DNAI2: variants seen among roughly 807,000 people sequenced by gnomAD.
DNAI2 encodes dynein, axonemal, intermediate polypeptide 2.
A neutral mutation model predicts 74.7 loss-of-function variants in DNAI2; 63 were observed. That is an observed-to-expected ratio of 0.84 (90% confidence interval 0.69 to 1.04). The LOEUF (loss-of-function observed/expected upper bound fraction) is 1.04. Among genes scored for constraint, DNAI2 ranks in the 50% least tolerant of loss-of-function variants. The pLI is 0.00. For synonymous variants in DNAI2, 289 were observed against 314.9 expected (o/e 0.92, Z 0.87); for missense variants, 688 against 803.2 (o/e 0.86, Z 1.73).
chr17:74,282,639 C>T (rs939738881), intron 2 of DNAI2, among the ~76,000 whole-genome samples: 7 of 152,148 alleles, frequency 4.6e-5, no homozygotes, highest in African/African-American at 1.2e-4. Context: ...TTCATATCTA[C>T]AGGCAACTAC....
chr17:74,314,351 C>T, intron 13 of DNAI2, 80 bp downstream of exon 13: 1 of 1,552,502 alleles, frequency 6.4e-7, no homozygotes, highest in Non-Finnish European at 8.8e-7. Context: ...GCATCGGGCC[C>T]TGACTCCCCA....
chr17:74,297,666 GCCA>G (rs944845300), intron 6 of DNAI2, among the ~76,000 whole-genome samples: 24 of 151,420 alleles, frequency 1.6e-4, no homozygotes, highest in African/African-American at 5.6e-4. Flanking sequence ...ACAGGCGTGA[GCCA>G]CCAAGCCCAG....
At chr17:74,298,666 G>C (rs559276153) in intron 6 of DNAI2, among the ~76,000 whole-genome samples, 1 of 152,092 alleles carries the variant, frequency 6.6e-6, no homozygotes, top group Admixed American at 6.6e-5. Context: ...GTAGTGGCAC[G>C]ATCATGGCTC....
At chr17:74,311,448 T>G (rs2053522620) in intron 11 of DNAI2, among the ~76,000 whole-genome samples, 1 of 152,226 alleles carries the variant, frequency 6.6e-6, no homozygotes, top group Admixed American at 6.5e-5. Flanking sequence ...ACCTCGTCTC[T>G]ACTAAAAATA....
rs763473211 is a variant in DNAI2 at position 74,282,012 on chromosome 17, C to T, written c.183+12C>T. The stretch of plus-strand genomic sequence containing the variant: ...TGTCGGAACACGAGGTGGGTCCCTG[C>T]CCCAAGGGCCCTGGCCTGTCAGGTG... On this transcript the variant is annotated intron_variant, in intron 2 of 13. Coordinates refer to ENST00000311014, the MANE Select transcript of DNAI2 (RefSeq NM_023036.6). 1.9e-5 allele frequency: 31 copies of T among 1,613,670 alleles called. 1 individual carries two copies. The South Asian group carries it at 3.1e-4, about 16-fold the overall frequency.
In DNAI2 at chr17:74,296,920, A is replaced by G. The variant is rs192979763; in HGVS notation, c.725-2798A>G. The stretch of plus-strand genomic sequence containing the variant: ...ACCAAGATTCTGCTGTTTTTCTTGA[A>G]TAAACATTCTCCCGACTGCCCTAAG... On this transcript the variant is annotated intron_variant, in intron 6 of 13. Transcript: ENST00000311014. Among the ~76,000 whole-genome samples, 14 of 152,308 alleles carry G rather than the reference A, an allele frequency of 9.2e-5. No homozygotes were observed. The East Asian group carries it at 2.7e-3, about 29-fold the overall frequency.
At position 74,300,239 on chromosome 17, in the gene DNAI2, G is replaced by A. The variant is rs1052610720; in HGVS notation, c.864+382G>A. On this transcript the variant is annotated intron_variant, in intron 7 of 13. Transcript: ENST00000311014. This position sits in a 1 kb window ranked among gnomAD's most constrained non-coding sequence, Gnocchi z 4.5. The stretch of plus-strand genomic sequence containing the variant: ...TGGGATTACAGGCATGAGCCACTGC[G>A]CCCAGCCTAACACTTTATTTTTAAG... Among the ~76,000 whole-genome samples, 2 of 152,290 alleles carry A rather than the reference G, an allele frequency of 1.3e-5. No individual in the cohort carries two copies. Among genetic ancestry groups the A allele is most frequent in the Non-Finnish European group, 2.9e-5 (2 of 68,030 alleles).
intron 8 of DNAI2, 106 bp from the exon 9 acceptor site, chr17:74,305,113 C>T: frequency 8.7e-7 from 1 of 1,152,932 alleles, no homozygotes; most frequent in Non-Finnish European, 1.3e-6. Context: ...GATCTGAGGG[C>T]CTTTCTAGCG....
At chr17:74,306,610 TTTTG>T (rs770868052) in intron 9 of DNAI2, among the ~76,000 whole-genome samples, 1 of 152,022 alleles carries the variant, frequency 6.6e-6, no homozygotes, top group Non-Finnish European at 1.5e-5. Context: ...TGGGAGGAGT[TTTTG>T]TTTGTTTGTT....
At chr17:74,278,235 G>A (rs1394806398) in intron 1 of DNAI2, among the ~76,000 whole-genome samples, 1 of 151,526 alleles carries the variant, frequency 6.6e-6, no homozygotes, top group Non-Finnish European at 1.5e-5. Flanking sequence ...TTTGAGACAA[G>A]CCTGGGCAAC....
rs148760558 is a variant in DNAI2 at position 74,288,799 on chromosome 17, A to G, written c.468-795A>G. On this transcript the variant is annotated intron_variant, in intron 4 of 13. Transcript: ENST00000311014. ...CTCTGTGGCCTCGGTTTTGACCATG[A>G]AGAAAAAAGCAAGGCCGTCCAATCA... Among the ~76,000 whole-genome samples, 1,150 of 152,216 alleles carry G rather than the reference A, an allele frequency of 7.6e-3. 4 individuals carry two copies. Among genetic ancestry groups the G allele is most frequent in the Non-Finnish European group, 0.012 (805 of 68,008 alleles).
rs528891079 is a variant in DNAI2 at position 74,294,043 on chromosome 17, A to G, written c.724+2910A>G. On this transcript the variant is annotated intron_variant, in intron 6 of 13. Transcript: ENST00000311014. ...AGCGATATGCCCACCTCGGCCTCCC[A>G]AAGTGCTGGGATTACAGGCATGAGC... Among the ~76,000 whole-genome samples the G allele has an allele frequency of 4.6e-5, 7 of 151,750 alleles. No individual in the cohort carries two copies. In the South Asian group the frequency reaches 1.5e-3, roughly 32 times the overall value.
Position 74,305,388 on chromosome 17 carries a change from G to A in DNAI2, c.1157G>A (p.Trp386Ter). Residue 386 changes from tryptophan (W) to a stop codon, truncating the protein, a stop_gained, in exon 9 of 14, where the codon TGG becomes TAG. Transcript: ENST00000311014. LOFTEE classifies it high-confidence loss of function. ...AAGAACTTCCTGACGGTTGGCGACTGGACAGCCCGCATTTGGTCTGAAGAC... is the reference window on the plus strand; with the variant it reads ...AAGAACTTCCTGACGGTTGGCGACTAGACAGCCCGCATTTGGTCTGAAGAC... Reference protein sequence around the residue: ...YPKNFLTVGDWTARIWSEDSR... With the variant: ...YPKNFLTVGD The A allele has an allele frequency of 1.9e-6, 3 of 1,614,190 alleles. No homozygotes were observed. The highest frequency in any genetic ancestry group is 2.5e-6 in the Non-Finnish European group (3 of 1,180,032).
chr17:74,304,184 TTC>T (rs1322834438), intron 8 of DNAI2, among the ~76,000 whole-genome samples: 3 of 136,750 alleles, frequency 2.2e-5, no homozygotes, highest in South Asian at 2.3e-4. Context: ...TTTTTCTTTT[TTC>T]TTTTTTTTTT....
At chr17:74,308,302 C>T (rs912778719) in intron 9 of DNAI2, among the ~76,000 whole-genome samples, 3 of 152,080 alleles carry the variant, frequency 2.0e-5, no homozygotes, top group East Asian at 1.9e-4. Context: ...AAAAATGTTC[C>T]GTCTTCACTG....
intron 8 of DNAI2, 113 bp downstream of exon 8, chr17:74,301,281 A>T: frequency 6.6e-7 from 1 of 1,521,732 alleles, no homozygotes; most frequent in Admixed American, 1.7e-5. Context: ...CAGCCCAGGG[A>T]GGCCACCCTC....
chr17:74,298,414 C>T (rs2144017434), intron 6 of DNAI2, among the ~76,000 whole-genome samples: 1 of 152,324 alleles, frequency 6.6e-6, no homozygotes, highest in African/African-American at 2.4e-5. Context: ...GAGTGATTCT[C>T]ATGCCTCAGC....
Position 74,310,062 on chromosome 17 carries a change from T to C in DNAI2, c.1393T>C (p.Cys465Arg). The C allele has an allele frequency of 6.2e-7, 1 of 1,613,906 alleles. No individual in the cohort carries two copies. Among genetic ancestry groups the C allele is most frequent in the African/African-American group, 1.3e-5 (1 of 75,044 alleles). The part of the protein sequence containing the change: ...LFCLRVQDNG[C>R]LIACGSQLGT... ...CTGCCTCCGGGTGCAGGACAATGGG[T>C]GTCTCATCGCCTGCGGCTCCCAGCT... is the stretch of plus-strand genomic sequence containing the variant. The change falls in exon 11 of 14, where the codon TGT (cysteine) becomes CGT (arginine). Residue 465 changes from cysteine to arginine, a missense_variant. Physicochemically the swap from Cys to Arg is radical, Grantham distance 180. Coordinates refer to ENST00000311014, the MANE Select transcript of DNAI2 (RefSeq NM_023036.6).
chr17:74,309,624 G>A (rs1020280573), intron 10 of DNAI2: 14 of 706,570 alleles, frequency 2.0e-5, no homozygotes, highest in African/African-American at 7.0e-5. Context: ...CCACCTGGGG[G>A]AAATTTAAAA....
Sources: allele counts gnomAD v4.1 joint callset (sites outside exome capture counted in the v4.1 genomes callset), GRCh38; gene constraint gnomAD v4.1.1; non-coding constraint Gnocchi (gnomAD v3.1); transcripts MANE v1.5; gene names NCBI Gene and HGNC (gene_info 2026-07-23, HGNC 2026-07-21).